Variants in SBNO2 observed in about 807,000 individuals in gnomAD.
SBNO2 encodes the protein protein strawberry notch homolog 2.
Under a neutral mutation model 146.3 loss-of-function variants are expected in SBNO2, and 89 were observed. The ratio of observed to expected loss-of-function variants is 0.61; its 90% CI spans 0.51 to 0.73. The LOEUF is 0.73. SBNO2 is among the 30% of genes least tolerant of loss of function. SBNO2 has a pLI of 0.00. For missense variants in SBNO2, 2,092 were observed against 2,003.7 expected, an observed-to-expected ratio of 1.04 and a Z score of -0.84; for synonymous variants, 1,147 against 892.6, an observed-to-expected ratio of 1.29 and a Z score of -5.08.
At position 1,122,296 on chromosome 19, in the gene SBNO2, G is replaced by T; in HGVS notation, c.1006-14C>A. 6.5e-7 allele frequency: 1 copy of T among 1,549,830 alleles called. No homozygotes were observed. Among genetic ancestry groups the T allele is most frequent in the Non-Finnish European group, 8.7e-7 (1 of 1,145,036 alleles). ...ACCGTACTTGATCTGGGGATGCACA[G>T]AACAGGTGTGGAATGGGGCCCCGGC... On this transcript the variant is annotated splice_polypyrimidine_tract_variant and intron_variant, in intron 10 of 31. Transcript: ENST00000361757.
chr19:1,118,274 G>A (rs2079856520), intron 14 of SBNO2, among the ~76,000 whole-genome samples: 3 of 152,064 alleles, frequency 2.0e-5, no homozygotes, highest in Non-Finnish European at 2.9e-5. Flanking sequence ...GTAGGCGGAG[G>A]TTGCGGTGAG....
In SBNO2 at chr19:1,109,345, C is replaced by T. The variant is rs1194417190; in HGVS notation, c.3295G>A (p.Gly1099Ser). The part of the protein sequence containing the change: ...QFFTVYKPNI[G>S]RQSQLEALDS... ...AGGGCCTCCAGCTGGCTCTGCCGGCCGATGTTGGGCTTGTACACCGTGAAG... is the reference window on the plus strand; with the variant it reads ...AGGGCCTCCAGCTGGCTCTGCCGGCTGATGTTGGGCTTGTACACCGTGAAG... The change falls in exon 29 of 32, where the codon GGC becomes AGC. Residue 1099 changes from glycine (G) to serine (S), a missense_variant. Coordinates refer to ENST00000361757, the MANE Select transcript of SBNO2 (RefSeq NM_014963.3). The surrounding 1 kb of genome is among the most constrained non-coding windows in gnomAD (Gnocchi z 4.2). The T allele has an allele frequency of 3.1e-6, 5 of 1,593,808 alleles. No homozygotes were observed. The highest frequency in any genetic ancestry group is 4.3e-6 in the Non-Finnish European group (5 of 1,171,280).
At chr19:1,153,221 A>G (rs989621554) in intron 2 of SBNO2, among the ~76,000 whole-genome samples, 3 of 151,104 alleles carry the variant, frequency 2.0e-5, no homozygotes, top group African/African-American at 7.3e-5. Context: ...ACACGTTTAT[A>G]TATTTTTAAT....
chr19:1,112,290 G>A lies in SBNO2; in HGVS notation c.2527C>T (p.Arg843Trp), dbSNP rs1249571623. The A allele has an allele frequency of 1.9e-6, 3 of 1,584,602 alleles. No individual in the cohort carries two copies. Among genetic ancestry groups the A allele is most frequent in the Non-Finnish European group, 1.7e-6 (2 of 1,166,424 alleles). ...RAIQQFGRTHRSNQVSAPEYV... is the reference protein window; with the variant it reads ...RAIQQFGRTHWSNQVSAPEYV... Reference sequence around the variant, plus strand: ...TCTGGCGCGGAGACCTGGTTGGACCGGTGGGTGCGGCCTGGGGGCAGAGCT... The same window carrying A: ...TCTGGCGCGGAGACCTGGTTGGACCAGTGGGTGCGGCCTGGGGGCAGAGCT... The change falls in exon 22 of 32, where the codon CGG (arginine) becomes TGG (tryptophan). Residue 843 changes from arginine to tryptophan, a missense_variant. Arg to Trp is a moderately radical substitution (Grantham distance 101, BLOSUM62 -3). Coordinates refer to ENST00000361757, the MANE Select transcript of SBNO2 (RefSeq NM_014963.3). This position sits in a 1 kb window ranked among gnomAD's most constrained non-coding sequence, Gnocchi z 5.9.
chr19:1,118,879 AC>A (rs67274101), intron 14 of SBNO2, 131 bp downstream of exon 14: 12 of 935,576 alleles, frequency 1.3e-5, no homozygotes, highest in African/African-American at 3.4e-5. Flanking sequence ...CAAAAAAACA[AC>A]AAAAAAAAAA....
chr19:1,153,996 TC>T (rs1338690460), intron 2 of SBNO2, among the ~76,000 whole-genome samples, 187 bp downstream of exon 2: 1 of 152,110 alleles, frequency 6.6e-6, no homozygotes, highest in African/African-American at 2.4e-5. Flanking sequence ...CCCATTCACA[TC>T]CCCATGGGGA....
Position 1,110,643 on chromosome 19 carries a change from G to A in SBNO2, c.3028+102C>T. On this transcript the variant is annotated intron_variant, in intron 26 of 31. Coordinates refer to ENST00000361757, the MANE Select transcript of SBNO2 (RefSeq NM_014963.3). The surrounding 1 kb of genome is among the most constrained non-coding windows in gnomAD (Gnocchi z 4.9). ...CACGAGCCCCTCGCCCACCCGGGAT[G>A]CCCGGTGTTCCCACGAGCCCCGAGC... 7.3e-7 allele frequency: 1 copy of A among 1,362,470 alleles called. No homozygotes were observed. The highest frequency in any genetic ancestry group is 1.6e-5 in the South Asian group (1 of 63,530). 84.4% of individuals were successfully genotyped at this position (1,362,470 alleles called of 1,614,324 possible). A position where few individuals can be genotyped will look rare whatever the true frequency, so the allele number is the denominator to read the frequency against.
In SBNO2 at chr19:1,109,004, G is replaced by A; in HGVS notation, c.3426-35C>T. On this transcript the variant is annotated intron_variant, in intron 30 of 31. Transcript: ENST00000361757. This position sits in a 1 kb window ranked among gnomAD's most constrained non-coding sequence, Gnocchi z 4.2. ...AGACGGGTCGTCTCGGCTCAGGCGG[G>A]TCCCAGGGGCCCGCAGGCTCCCCAG... 6.7e-7 allele frequency: 1 copy of A among 1,491,422 alleles called. No homozygotes were observed. The highest frequency in any genetic ancestry group is 1.4e-5 in the African/African-American group (1 of 71,704). 92.4% of individuals were successfully genotyped at this position (1,491,422 alleles called of 1,614,324 possible). A position where few individuals can be genotyped will look rare whatever the true frequency, so the allele number is the denominator to read the frequency against.
In SBNO2 at chr19:1,126,619, GCCC is replaced by G. The variant is rs1358946137; in HGVS notation, c.441+982_441+984del. ...GGGTGCCCTGATGCTTCCTGCCTGGGCCCCCAAGCCCGTGAGTTCTGCTGCCCG... is the reference window on the plus strand; with the variant it reads ...GGGTGCCCTGATGCTTCCTGCCTGGGCCAAGCCCGTGAGTTCTGCTGCCCG... On this transcript the variant is annotated intron_variant, in intron 5 of 31. Coordinates refer to ENST00000361757, the MANE Select transcript of SBNO2 (RefSeq NM_014963.3). This position sits in a 1 kb window ranked among gnomAD's most constrained non-coding sequence, Gnocchi z 4.4. 6.6e-6 allele frequency among the ~76,000 whole-genome samples: 1 copy of G among 152,036 alleles called. No homozygotes were observed. The highest frequency in any genetic ancestry group is 2.4e-5 in the African/African-American group (1 of 41,390).
Position 1,147,367 on chromosome 19 carries a change from C to T in SBNO2, c.221G>A (p.Ser74Asn), listed in dbSNP as rs767916417. The T allele has an allele frequency of 6.6e-7, 1 of 1,508,288 alleles. No homozygotes were observed. Among genetic ancestry groups the T allele is most frequent in the Non-Finnish European group, 8.8e-7 (1 of 1,133,430 alleles). 93.4% of individuals were successfully genotyped at this position (1,508,288 alleles called of 1,614,324 possible). A position where few individuals can be genotyped will look rare whatever the true frequency, so the allele number is the denominator to read the frequency against. The change falls in exon 4 of 32, where the codon AGC becomes AAC. Residue 74 changes from serine (S) to asparagine (N), a missense_variant. Coordinates refer to ENST00000361757, the MANE Select transcript of SBNO2 (RefSeq NM_014963.3). ...FLGSQPCPDT[S>N]YAPVATASSL... ...GGAGGCGGTGGCCACGGGGGCATAG[C>T]TGGTGTCTGGGCAGGGCTGGCTGCC...
chr19:1,128,256 G>A (rs758136393), intron 4 of SBNO2: 2 of 488,340 alleles, frequency 4.1e-6, no homozygotes, highest in East Asian at 1.2e-4. Flanking sequence ...ACTCTGAGCA[G>A]CTCGGGTCTG....
At chr19:1,117,001 G>T in intron 15 of SBNO2, 75 bp from the exon 16 acceptor site, 1 of 1,374,276 alleles carries the variant, frequency 7.3e-7, no homozygotes, top group Non-Finnish European at 9.9e-7. Flanking sequence ...TGCCAGGCCT[G>T]GGGTGATGGC....
At chr19:1,165,699 C>A (rs1210567379) in intron 1 of SBNO2, among the ~76,000 whole-genome samples, 1 of 78,354 alleles carries the variant, frequency 1.3e-5, no homozygotes, top group Non-Finnish European at 3.0e-5. Context: ...AGATCTCAGA[C>A]CCCAGACCCC....
intron 4 of SBNO2, among the ~76,000 whole-genome samples, chr19:1,130,214 G>A (rs902785651): frequency 2.6e-5 from 4 of 152,202 alleles, no homozygotes; most frequent in South Asian, 2.1e-4. Flanking sequence ...GGTGGCGTAC[G>A]GATGTTGGTT....
Position 1,116,854 on chromosome 19 carries a change from G to C in SBNO2, c.1777C>G (p.Leu593Val), listed in dbSNP as rs967507634. The C allele has an allele frequency of 4.4e-6, 7 of 1,591,040 alleles. No homozygotes were observed. The African/African-American group carries it at 6.7e-5, about 15-fold the overall frequency. Reference sequence around the variant, plus strand: ...TCAGCGGCCGAGACGAAGCAGTTGAGGTGCCCATCGTTCTCCCCCAGCACC... The same window carrying C: ...TCAGCGGCCGAGACGAAGCAGTTGACGTGCCCATCGTTCTCCCCCAGCACC... ...REVLGENDGHLNCFVSAAEGV... is the reference protein window; with the variant it reads ...REVLGENDGHVNCFVSAAEGV... The change falls in exon 16 of 32, where the codon CTC (leucine) becomes GTC (valine). Residue 593 changes from leucine (L) to valine (V), a missense_variant. By Grantham distance (32) the Leu-to-Val change is conservative. Coordinates refer to ENST00000361757, the MANE Select transcript of SBNO2 (RefSeq NM_014963.3).
intron 1 of SBNO2, among the ~76,000 whole-genome samples, chr19:1,165,140 A>G (rs1350567568): frequency 5.3e-5 from 8 of 152,094 alleles, no homozygotes; most frequent in African/African-American, 1.7e-4. Context: ...AGCCCCCGCC[A>G]TGCGAGGGAG....
In SBNO2 at chr19:1,150,660, C is replaced by T. The variant is rs996704781; in HGVS notation, c.94-1218G>A. ...GGCTTCCAGAACAGGGTTGGGGGTT[C>T]GCCTGCTTCCCTGAGTCCCCCAGTG... On this transcript the variant is annotated intron_variant, in intron 2 of 31. Transcript: ENST00000361757. The surrounding 1 kb of genome is among the most constrained non-coding windows in gnomAD (Gnocchi z 6.2). 5.3e-5 allele frequency among the ~76,000 whole-genome samples: 8 copies of T among 152,120 alleles called. No homozygotes were observed. The highest frequency in any genetic ancestry group is 1.7e-4 in the African/African-American group (7 of 41,422).
In SBNO2 at chr19:1,108,212, AAGGCGTGTCAG is replaced by A; in HGVS notation, c.4098_*7del. On this transcript the variant is annotated stop_retained_variant and 3_prime_UTR_variant, in exon 32 of 32. Transcript: ENST00000361757. ...TGTGTCTTGGGGCATGTTTCGCCTA[AAGGCGTGTCAG>A]AGAGGAGCCTGGGCGCCGGGGAAGG... 1 of 1,525,070 alleles carries A rather than the reference AAGGCGTGTCAG, an allele frequency of 6.6e-7. No homozygotes were observed. Among genetic ancestry groups the A allele is most frequent in the Non-Finnish European group, 8.8e-7 (1 of 1,133,872 alleles). The allele number at this position is 1,525,070 out of a possible 1,614,324, so 94.5% of individuals were successfully genotyped here. A position where few individuals can be genotyped will look rare whatever the true frequency, so the allele number is the denominator to read the frequency against.
rs751170271 is a variant in SBNO2, at chr19:1,109,480, G to T, written c.3216+26C>A. The T allele has an allele frequency of 6.9e-5, 109 of 1,577,640 alleles. No individual in the cohort carries two copies. The highest frequency in any genetic ancestry group is 8.7e-5 in the Non-Finnish European group (101 of 1,163,412). ...GTCCGCCCCCCGCGGGCCCTCCTCT[G>T]GGGGGGTAACCCCGCCCGACCCCAC... On this transcript the variant is annotated intron_variant, in intron 28 of 31. Transcript: ENST00000361757. The surrounding 1 kb of genome is among the most constrained non-coding windows in gnomAD (Gnocchi z 4.2).
Sources: gnomAD v4.1 joint callset for allele counts (sites outside exome capture counted in the v4.1 genomes callset) on GRCh38, gnomAD v4.1.1 for gene constraint, Gnocchi (gnomAD v3.1) non-coding constraint, MANE v1.5 for transcripts, NCBI Gene and HGNC (gene_info 2026-07-23, HGNC 2026-07-21) for gene names.